Variants in GRID2IP observed in about 807,000 individuals in gnomAD.
GRID2IP encodes Grid2 interacting protein, also known as delphilin.
Under a neutral mutation model 114.3 loss-of-function variants are expected in GRID2IP, and 78 were observed. That is an observed-to-expected ratio of 0.68 (90% CI 0.57 to 0.82). GRID2IP has a LOEUF of 0.82. Ranked by LOEUF, GRID2IP falls within the 40% of genes least tolerant of loss-of-function variation. The pLI is 0.00. For missense variants in GRID2IP, 1,727 were observed against 1,678.5 expected, an observed-to-expected ratio of 1.03 and a Z score of -0.51; for synonymous variants, 809 against 724.0, an observed-to-expected ratio of 1.12 and a Z score of -1.89.
In GRID2IP at chr7:6,520,369, C is replaced by T. The variant is rs1215189347; in HGVS notation, c.1268+209G>A. ...GAAGGCTGAGACTCGCCCAAGGTCA[C>T]GTGACTAGGAGGTGTCAGAGTCAGA... On this transcript the variant is annotated intron_variant, in intron 7 of 21. Transcript: ENST00000457091. This position sits in a 1 kb window ranked among gnomAD's most constrained non-coding sequence, Gnocchi z 4.6. 6.6e-6 allele frequency among the ~76,000 whole-genome samples: 1 copy of T among 152,168 alleles called. No individual in the cohort carries two copies. Among genetic ancestry groups the T allele is most frequent in the Non-Finnish European group, 1.5e-5 (1 of 68,034 alleles).
At chr7:6,518,982 G>A (rs1044817179) in intron 7 of GRID2IP, among the ~76,000 whole-genome samples, 1 of 151,826 alleles carries the variant, frequency 6.6e-6, no homozygotes, top group Non-Finnish European at 1.5e-5. Flanking sequence ...GCAGTGGTGT[G>A]ATCTTGGCTC....
rs1030942221 is a variant in GRID2IP at position 6,526,340 on chromosome 7, A to C, written c.834-31T>G. 7.1e-6 allele frequency: 11 copies of C among 1,542,368 alleles called. No homozygotes were observed. The highest frequency in any genetic ancestry group is 1.7e-4 in the Middle Eastern group (1 of 5,974). ...GGAAAAAGAAGGGGCGAGCAGCATG[A>C]TGGAGAGGGGGCCCTGGGGCGCAGA... On this transcript the variant is annotated intron_variant, in intron 3 of 21. Coordinates refer to ENST00000457091, the MANE Select transcript of GRID2IP (RefSeq NM_001145118.2). This position sits in a 1 kb window ranked among gnomAD's most constrained non-coding sequence, Gnocchi z 7.6.
chr7:6,518,184 T>C (rs117080765), intron 7 of GRID2IP, among the ~76,000 whole-genome samples: 3,643 of 152,030 alleles, frequency 0.024, 80 homozygotes, highest in Middle Eastern at 0.041. Context: ...GAGCTGTGTT[T>C]GCACCACTGC....
rs139868435 is a variant in GRID2IP at position 6,532,297 on chromosome 7, A to G, written c.585-5528T>C. 3.6e-3 allele frequency among the ~76,000 whole-genome samples: 541 copies of G among 152,260 alleles called. 1 individual carries two copies. Among genetic ancestry groups the G allele is most frequent in the Middle Eastern group, 6.8e-3 (2 of 294 alleles). ...GGGCACCCCCAACCAGAACATCAGC[A>G]TGAAGCCCTCTCCAAAGACAGGCGG... On this transcript the variant is annotated intron_variant, in intron 2 of 21. Coordinates refer to ENST00000457091, the MANE Select transcript of GRID2IP (RefSeq NM_001145118.2). This position sits in a 1 kb window ranked among gnomAD's most constrained non-coding sequence, Gnocchi z 4.4.
In GRID2IP at chr7:6,510,354, A is replaced by G. The variant is rs918303666; in HGVS notation, c.1700T>C (p.Phe567Ser). 190 of 1,547,288 alleles carry G rather than the reference A, an allele frequency of 1.2e-4. No individual in the cohort carries two copies. The highest frequency in any genetic ancestry group is 1.6e-4 in the Non-Finnish European group (178 of 1,145,064). Residue 567 changes from phenylalanine to serine, a missense_variant, in exon 11 of 22, where the codon TTC (phenylalanine) becomes TCC (serine). Physicochemically the swap from Phe to Ser is radical, Grantham distance 155 (BLOSUM62 -2). Coordinates refer to ENST00000457091, the MANE Select transcript of GRID2IP (RefSeq NM_001145118.2). ...AELESRLNSS[F>S]KGKMGTVSKS... ...GGACACGGTCCCCATCTTCCCTTTG[A>G]AGCTGCTGTTCAGTCGAGACTCAAG...
At chr7:6,510,778 C>T (rs983891989) in intron 9 of GRID2IP, 72 bp from the exon 10 acceptor site, 148 of 1,482,584 alleles carry the variant, frequency 1.0e-4, no homozygotes, top group Admixed American at 1.7e-4. Context: ...CAACATGCCC[C>T]GCAGACCCAG....
chr7:6,510,557 G>A (rs1786747216), intron 10 of GRID2IP, 52 bp downstream of exon 10: 9 of 1,410,714 alleles, frequency 6.4e-6, no homozygotes, highest in South Asian at 5.4e-5. Flanking sequence ...CCTATGGACC[G>A]TCCATTCCCT....
At chr7:6,548,260 G>A (rs926740479) in intron 1 of GRID2IP, among the ~76,000 whole-genome samples, 32 of 152,124 alleles carry the variant, frequency 2.1e-4, no homozygotes, top group African/African-American at 7.2e-4. Flanking sequence ...GGCTGAGCCA[G>A]GAGAATTGCT....
chr7:6,505,294 G>C (rs1459917882), intron 14 of GRID2IP, among the ~76,000 whole-genome samples: 1 of 151,558 alleles, frequency 6.6e-6, no homozygotes, highest in African/African-American at 2.4e-5. Context: ...GTACATCACA[G>C]AGTTGCCATG....
rs1583344188 is a variant in GRID2IP at position 6,520,666 on chromosome 7, T to A, written c.1180A>T (p.Arg394Trp). Residue 394 changes from arginine (R) to tryptophan (W), a missense_variant, in exon 7 of 22, where the codon AGG (arginine) becomes TGG (tryptophan). By Grantham distance (101) the Arg-to-Trp change is moderately radical (BLOSUM62 -3). Coordinates refer to ENST00000457091, the MANE Select transcript of GRID2IP (RefSeq NM_001145118.2). The surrounding 1 kb of genome is among the most constrained non-coding windows in gnomAD (Gnocchi z 4.6). ...ILPSSIRVQG[R>W]TFSQQLEHLL... ...TGCTCCAGCTGCTGGCTGAAGGTCC[T>A]CCCTTGGACCCGGATGCTGGACGGC... is the stretch of plus-strand genomic sequence containing the variant. The A allele has an allele frequency of 1.3e-6, 2 of 1,551,690 alleles. No individual in the cohort carries two copies. The highest frequency in any genetic ancestry group is 2.0e-5 in the Admixed American group (1 of 50,996).
At chr7:6,527,759 AAT>A (rs1779542995) in intron 2 of GRID2IP, among the ~76,000 whole-genome samples, 1 of 112,954 alleles carries the variant, frequency 8.9e-6, no homozygotes, top group Non-Finnish European at 2.3e-5. Context: ...CCACCAGGCT[AAT>A]TTTTTTTTTT....
rs907287542 is a variant in GRID2IP at position 6,541,053 on chromosome 7, AT to A, written c.430-1182del. On this transcript the variant is annotated intron_variant, in intron 1 of 21. Coordinates refer to ENST00000457091, the MANE Select transcript of GRID2IP (RefSeq NM_001145118.2). Reference sequence around the variant, plus strand: ...TACTTAAAGAGAACTGGCTAATTAAATTTTTTTTTTCTATAGAGATGGAGTC... The same window carrying A: ...TACTTAAAGAGAACTGGCTAATTAAATTTTTTTTTCTATAGAGATGGAGTC... Among the ~76,000 whole-genome samples, 621 of 148,676 alleles carry A rather than the reference AT, an allele frequency of 4.2e-3. 23 individuals are homozygous for A. The highest frequency in any genetic ancestry group is 0.035 in the Admixed American group (513 of 14,836).
At position 6,510,725 on chromosome 7, in the gene GRID2IP, A is replaced by G; in HGVS notation, c.1556-19T>C. 1 of 1,542,294 alleles carries G rather than the reference A, an allele frequency of 6.5e-7. No individual in the cohort carries two copies. Among genetic ancestry groups the G allele is most frequent in the Non-Finnish European group, 8.8e-7 (1 of 1,140,014 alleles). On this transcript the variant is annotated intron_variant, in intron 9 of 21. Coordinates refer to ENST00000457091, the MANE Select transcript of GRID2IP (RefSeq NM_001145118.2). Reference sequence around the variant, plus strand: ...CTGGGACCTACCGGGGAATAATGTCATTACCGTATCTGAGCTCTACGGCTC... The same window carrying G: ...CTGGGACCTACCGGGGAATAATGTCGTTACCGTATCTGAGCTCTACGGCTC...
Position 6,506,200 on chromosome 7 carries a change from C to T in GRID2IP, c.2545-293G>A, listed in dbSNP as rs944923408. 2.6e-5 allele frequency among the ~76,000 whole-genome samples: 4 copies of T among 152,214 alleles called. No homozygotes were observed. The highest frequency in any genetic ancestry group is 4.4e-5 in the Non-Finnish European group (3 of 68,036). On this transcript the variant is annotated intron_variant, in intron 13 of 21. Coordinates refer to ENST00000457091, the MANE Select transcript of GRID2IP (RefSeq NM_001145118.2). The surrounding 1 kb of genome is among the most constrained non-coding windows in gnomAD (Gnocchi z 5.2). ...GGGGCATGAAGGAGCTGTGAAGAGG[C>T]TAGAGCCAAGTAAGGGGCTACCGGA...
intron 14 of GRID2IP, among the ~76,000 whole-genome samples, 152 bp downstream of exon 14, chr7:6,505,668 C>T (rs1391207984): frequency 6.6e-6 from 1 of 152,196 alleles, no homozygotes; most frequent in African/African-American, 2.4e-5. Context: ...TGTGCCCGGC[C>T]TAAATGCCAG....
In GRID2IP at chr7:6,519,105, T is replaced by C. The variant is rs1321353570; in HGVS notation, c.1268+1473A>G. On this transcript the variant is annotated intron_variant, in intron 7 of 21. Transcript: ENST00000457091. The surrounding 1 kb of genome is among the most constrained non-coding windows in gnomAD (Gnocchi z 4.1). ...AGCTAATTTTTTCTTTTTGTAGAGA[T>C]GGCTTCTTGCTCTGTTGCCCAGACT... 6.6e-6 allele frequency among the ~76,000 whole-genome samples: 1 copy of C among 151,892 alleles called. No homozygotes were observed. Among genetic ancestry groups the C allele is most frequent in the African/African-American group, 2.4e-5 (1 of 41,366 alleles).
Position 6,539,724 on chromosome 7 carries a change from T to C in GRID2IP, c.578A>G (p.Asn193Ser). The change falls in exon 2 of 22, where the codon AAC (asparagine) becomes AGC (serine). Residue 193 changes from asparagine to serine, a missense_variant. By Grantham distance (46) the Asn-to-Ser change is conservative. Coordinates refer to ENST00000457091, the MANE Select transcript of GRID2IP (RefSeq NM_001145118.2). The part of the protein sequence containing the change: ...PREACGPLLD[N>S]LRIFIPKKHR... ...TGCCCCCTGCCCGCAGTACCTGAGG[T>C]TGTCCAGGAGTGGCCCGCAGGCCTC... 2 of 1,547,732 alleles carry C rather than the reference T, an allele frequency of 1.3e-6. No individual in the cohort carries two copies. Among genetic ancestry groups the C allele is most frequent in the South Asian group, 1.2e-5 (1 of 83,802 alleles).
rs775111014 is a variant in GRID2IP, at chr7:6,528,748, A to G, written c.585-1979T>C. On this transcript the variant is annotated intron_variant, in intron 2 of 21. Transcript: ENST00000457091. This position sits in a 1 kb window ranked among gnomAD's most constrained non-coding sequence, Gnocchi z 6.0. ...TGGGAGGAAGTGGGTGTGGATTCTCAGGGAGGAGGCTCTGTCCCCGCAGTG... is the reference window on the plus strand; with the variant it reads ...TGGGAGGAAGTGGGTGTGGATTCTCGGGGAGGAGGCTCTGTCCCCGCAGTG... Among the ~76,000 whole-genome samples, 13 of 151,904 alleles carry G rather than the reference A, an allele frequency of 8.6e-5. No homozygotes were observed. The highest frequency in any genetic ancestry group is 1.3e-4 in the Non-Finnish European group (9 of 67,946).
At chr7:6,545,597 T>C (rs1378986901) in intron 1 of GRID2IP, among the ~76,000 whole-genome samples, 1 of 152,220 alleles carries the variant, frequency 6.6e-6, no homozygotes, top group Non-Finnish European at 1.5e-5. Context: ...GGCCACGTTC[T>C]GTACACGTCT....
Sources: allele counts gnomAD v4.1 joint callset (sites outside exome capture counted in the v4.1 genomes callset), GRCh38; gene constraint gnomAD v4.1.1; non-coding constraint Gnocchi (gnomAD v3.1); transcripts MANE v1.5; gene names NCBI Gene and HGNC (gene_info 2026-07-23, HGNC 2026-07-21).